The following SPATA17 variants were observed in gnomAD, a reference collection of about 807,000 sequenced individuals.
The protein encoded by SPATA17 is spermatogenesis associated 17.
Under a neutral mutation model 62.2 loss-of-function variants are expected in SPATA17, and 53 were observed. The observed-to-expected ratio is 0.85, with a 90% CI of 0.68 to 1.07. SPATA17 has a LOEUF of 1.07. SPATA17 is among the 50% of genes least tolerant of loss of function. The probability of loss-of-function intolerance (pLI) is 0.00; values close to 1 mark genes in which losing one functional copy is unlikely to be tolerated. For missense variants in SPATA17, 466 were observed against 425.5 expected (o/e 1.10, Z -0.84); for synonymous variants, 146 against 146.8 (o/e 0.99, Z 0.04).
At chr1:217,698,373 G>C (rs1039912267) in intron 5 of SPATA17, among the ~76,000 whole-genome samples, 1 of 151,998 alleles carries the variant, frequency 6.6e-6, no homozygotes, top group Non-Finnish European at 1.5e-5. Flanking sequence ...GGCGGAGTTT[G>C]CAGTGAGCTG....
intron 5 of SPATA17, among the ~76,000 whole-genome samples, chr1:217,739,927 T>G (rs1332033455): frequency 6.6e-6 from 1 of 152,074 alleles, no homozygotes; most frequent in African/African-American, 2.4e-5. Context: ...CACACTTGAG[T>G]GTTTCCTAAG....
At chr1:217,770,859 C>T (rs532388505) in intron 6 of SPATA17, among the ~76,000 whole-genome samples, 10 of 151,470 alleles carry the variant, frequency 6.6e-5, no homozygotes, top group South Asian at 2.1e-4. Flanking sequence ...ACAAATGGTA[C>T]GTTTGCTCGT....
At chr1:217,780,764 T>C (rs184756389) in intron 7 of SPATA17, among the ~76,000 whole-genome samples, 2 of 152,334 alleles carry the variant, frequency 1.3e-5, no homozygotes, top group Admixed American at 1.3e-4. Context: ...TTTGAGTGTT[T>C]ACTGTGTTCT....
intron 9 of SPATA17, among the ~76,000 whole-genome samples, chr1:217,846,900 A>G (rs1005016986): frequency 6.6e-6 from 1 of 152,056 alleles, no homozygotes; most frequent in African/African-American, 2.4e-5. Context: ...TACAAGTGCA[A>G]TTTAAAAAGT....
chr1:217,800,067 A>T (rs1204892615), intron 8 of SPATA17, among the ~76,000 whole-genome samples: 2 of 152,100 alleles, frequency 1.3e-5, no homozygotes, highest in Non-Finnish European at 2.9e-5. Context: ...TGTTTGCTGC[A>T]TTATGATGTC....
chr1:217,676,418 G>C (rs1341071546), intron 4 of SPATA17, among the ~76,000 whole-genome samples: 1 of 151,862 alleles, frequency 6.6e-6, no homozygotes, highest in African/African-American at 2.4e-5. Flanking sequence ...TACCGTGCCT[G>C]TTTTGGGCCC....
chr1:217,737,667 T>C (rs1672539252), intron 5 of SPATA17, among the ~76,000 whole-genome samples: 1 of 151,966 alleles, frequency 6.6e-6, no homozygotes, highest in African/African-American at 2.4e-5. Flanking sequence ...TCCAGTGAGA[T>C]ATAGTTATGA....
At chr1:217,726,992 A>T (rs553291917) in intron 5 of SPATA17, among the ~76,000 whole-genome samples, 11 of 152,174 alleles carry the variant, frequency 7.2e-5, no homozygotes, top group African/African-American at 2.6e-4. Flanking sequence ...TTACGCCTGT[A>T]ATCCCAGCAC....
chr1:217,735,203 G>T (rs148151678), intron 5 of SPATA17, among the ~76,000 whole-genome samples: 36 of 152,320 alleles, frequency 2.4e-4, no homozygotes, highest in Non-Finnish European at 4.7e-4. Flanking sequence ...AGTTTGGGCT[G>T]CTGTAGCAGA....
At chr1:217,738,624 C>G (rs1558586125) in intron 5 of SPATA17, among the ~76,000 whole-genome samples, 3 of 152,208 alleles carry the variant, frequency 2.0e-5, no homozygotes, top group Admixed American at 6.5e-5. Context: ...GTAAGGAGCA[C>G]AGCAGAGCTG....
At chr1:217,751,622 G>T (rs555331449) in intron 6 of SPATA17, among the ~76,000 whole-genome samples, 1 of 152,242 alleles carries the variant, frequency 6.6e-6, no homozygotes, top group East Asian at 1.9e-4. Flanking sequence ...ATATGAAAGG[G>T]ATGGCATTAT....
At chr1:217,817,381 G>GT (rs1558063047) in intron 9 of SPATA17, among the ~76,000 whole-genome samples, 1 of 151,962 alleles carries the variant, frequency 6.6e-6, no homozygotes, top group Non-Finnish European at 1.5e-5. Flanking sequence ...TTTATAAGAG[G>GT]TTTTCCCCTT....
At chr1:217,847,110 G>A (rs968772322) in intron 9 of SPATA17, among the ~76,000 whole-genome samples, 5 of 151,698 alleles carry the variant, frequency 3.3e-5, no homozygotes, top group African/African-American at 1.2e-4. Flanking sequence ...TTTTAAGGAG[G>A]CAACAATCGT....
chr1:217,821,052 A>T (rs990299958), intron 9 of SPATA17, among the ~76,000 whole-genome samples: 3 of 152,062 alleles, frequency 2.0e-5, no homozygotes, highest in Admixed American at 1.3e-4. Context: ...AACCAATCCC[A>T]TCTCATGAGA....
intron 9 of SPATA17, among the ~76,000 whole-genome samples, chr1:217,816,224 T>C (rs535678623): frequency 6.6e-6 from 1 of 152,052 alleles, no homozygotes; most frequent in Admixed American, 6.6e-5. Context: ...TATTAAAAAA[T>C]TTTTAATTGA....
intron 2 of SPATA17, 98 bp from the exon 3 acceptor site, chr1:217,650,999 A>AATTTGAATT: frequency 1.1e-6 from 1 of 896,010 alleles, no homozygotes; most frequent in Admixed American, 2.7e-5. Context: ...CTTGGCTTTG[A>AATTTGAATT]ATTTGAATTC....
chr1:217,694,357 C>T (rs1671406940), intron 5 of SPATA17, among the ~76,000 whole-genome samples: 3 of 145,018 alleles, frequency 2.1e-5, no homozygotes, highest in African/African-American at 7.9e-5. Context: ...AGATCTTCCT[C>T]CATCCTTTTA....
intron 8 of SPATA17, among the ~76,000 whole-genome samples, chr1:217,800,731 T>C (rs555677357): frequency 6.6e-6 from 1 of 152,304 alleles, no homozygotes; most frequent in Admixed American, 6.5e-5. Flanking sequence ...TTTTCTTAAC[T>C]CTTTTGTGTC....
intron 5 of SPATA17, among the ~76,000 whole-genome samples, chr1:217,702,043 T>C (rs1431304343): frequency 6.6e-6 from 1 of 151,478 alleles, no homozygotes; most frequent in Non-Finnish European, 1.5e-5. Flanking sequence ...TATATATATA[T>C]ATATATATGC....
Sources: gnomAD v4.1 joint callset for allele counts (sites outside exome capture counted in the v4.1 genomes callset) on GRCh38, gnomAD v4.1.1 for gene constraint, MANE v1.5 for transcripts, NCBI Gene and HGNC (gene_info 2026-07-23, HGNC 2026-07-21) for gene names.